The following CCDC18 variants were observed in gnomAD, a reference collection of about 807,000 sequenced individuals.
The protein encoded by CCDC18 is coiled-coil domain containing 18.
In CCDC18, 157 loss-of-function variants were observed where a neutral mutation model predicts 196.0. The observed-to-expected ratio is 0.80, with a 90% CI of 0.70 to 0.91. The LOEUF is 0.91. CCDC18 is among the 40% of genes least tolerant of loss of function. The pLI is 0.00. For missense variants in CCDC18, 1,465 were observed against 1,611.6 expected (o/e 0.91, Z 1.56); for synonymous variants, 482 against 529.2 (o/e 0.91, Z 1.22).
chr1:93,257,885 T>G (rs1362706737), intron 25 of CCDC18, among the ~76,000 whole-genome samples: 7 of 151,920 alleles, frequency 4.6e-5, no homozygotes, highest in Non-Finnish European at 1.5e-5. Context: ...TGTTTTTCCT[T>G]TGATGTAGGG....
chr1:93,278,031 G>T (rs944899803), intron 28 of CCDC18, among the ~76,000 whole-genome samples: 3 of 151,792 alleles, frequency 2.0e-5, no homozygotes, highest in Non-Finnish European at 4.4e-5. Context: ...TTGTCTCCCA[G>T]GCTGGAGTGC....
intron 28 of CCDC18, among the ~76,000 whole-genome samples, chr1:93,278,074 C>T (rs112122064): frequency 6.6e-6 from 1 of 152,092 alleles, no homozygotes; most frequent in African/African-American, 2.4e-5. Flanking sequence ...GCAACCTCCC[C>T]CTCCAAGGTT....
At chr1:93,181,277 T>A (rs1486492237) in intron 1 of CCDC18, among the ~76,000 whole-genome samples, 1 of 125,464 alleles carries the variant, frequency 8.0e-6, no homozygotes, top group African/African-American at 3.1e-5. Flanking sequence ...GACTACTACA[T>A]AAAGTTATGA....
chr1:93,271,489 C>A, intron 28 of CCDC18: 1 of 985,306 alleles, frequency 1.0e-6, no homozygotes, highest in Non-Finnish European at 1.2e-6. Flanking sequence ...TAATCTGTAT[C>A]TTCAGGCTTC....
chr1:93,246,731 G>A, intron 22 of CCDC18, 107 bp from the exon 23 acceptor site: 5 of 603,286 alleles, frequency 8.3e-6, no homozygotes, highest in African/African-American at 1.9e-5. Context: ...CTATACTAAT[G>A]AGTTTATACT....
chr1:93,199,916 G>A (rs1653526722), intron 6 of CCDC18: 1 of 152,556 alleles, frequency 6.6e-6, no homozygotes. Context: ...TCTAGGTGCT[G>A]TTGTTGAGCA....
intron 16 of CCDC18, among the ~76,000 whole-genome samples, chr1:93,223,105 G>A (rs1657707150): frequency 6.6e-6 from 1 of 152,126 alleles, no homozygotes; most frequent in Non-Finnish European, 1.5e-5. Flanking sequence ...TACAGAGATT[G>A]TAGGCATGAA....
chr1:93,278,285 G>T (rs10874766), intron 28 of CCDC18, among the ~76,000 whole-genome samples, 178 bp from the exon 29 acceptor site: 2 of 151,970 alleles, frequency 1.3e-5, no homozygotes, highest in African/African-American at 2.4e-5. Context: ...CACTGCACCC[G>T]GCCTGCATTT....
chr1:93,259,016 A>C (rs1663420156), intron 26 of CCDC18, 131 bp downstream of exon 26: 1 of 716,186 alleles, frequency 1.4e-6, no homozygotes, highest in Non-Finnish European at 2.1e-6. Flanking sequence ...CTGGTAGCCT[A>C]AACATACAGC....
intron 17 of CCDC18, among the ~76,000 whole-genome samples, chr1:93,228,455 G>A (rs1658736185): frequency 1.3e-5 from 2 of 150,670 alleles, no homozygotes; most frequent in Non-Finnish European, 2.9e-5. Context: ...TAATGTAGTT[G>A]ACCAGCACTC....
intron 25 of CCDC18, among the ~76,000 whole-genome samples, chr1:93,257,260 CATG>C (rs1298636706): frequency 2.6e-5 from 2 of 78,162 alleles, no homozygotes; most frequent in Non-Finnish European, 5.4e-5. Flanking sequence ...AAAAAAAAAA[CATG>C]AAAACTATCC....
At chr1:93,272,490 TAGAAG>T (rs1415085624) in intron 28 of CCDC18, among the ~76,000 whole-genome samples, 2 of 152,088 alleles carry the variant, frequency 1.3e-5, no homozygotes, top group Non-Finnish European at 2.9e-5. Context: ...ATCAGTGAAA[TAGAAG>T]AGAAATTAGG....
At chr1:93,214,045 T>G (rs989777456) in intron 11 of CCDC18, among the ~76,000 whole-genome samples, 7 of 152,128 alleles carry the variant, frequency 4.6e-5, no homozygotes, top group African/African-American at 7.2e-5. Flanking sequence ...GTGGGAGATG[T>G]GTATGTTTAT....
chr1:93,193,826 G>A (rs1652257883), intron 6 of CCDC18, 82 bp downstream of exon 6: 1 of 1,116,392 alleles, frequency 9.0e-7, no homozygotes, highest in East Asian at 3.0e-5. Flanking sequence ...GTTAATTTTT[G>A]AAGTGAAAAA....
intron 6 of CCDC18, among the ~76,000 whole-genome samples, chr1:93,196,292 C>T (rs1462748366): frequency 1.3e-5 from 2 of 151,964 alleles, no homozygotes; most frequent in Non-Finnish European, 2.9e-5. Context: ...CCATTGCACT[C>T]CAGCCTGAGT....
chr1:93,215,366 T>G (rs916494213), intron 12 of CCDC18, among the ~76,000 whole-genome samples: 17 of 152,206 alleles, frequency 1.1e-4, no homozygotes, highest in African/African-American at 4.1e-4. Flanking sequence ...CTAGGAAGCC[T>G]GTTTAATATG....
intron 21 of CCDC18, among the ~76,000 whole-genome samples, chr1:93,242,816 AGT>A (rs1660999609): frequency 6.6e-6 from 1 of 152,356 alleles, no homozygotes; most frequent in South Asian, 2.1e-4. Context: ...TCAGCAGGGC[AGT>A]TAAATCTTAA....
At chr1:93,214,472 G>T (rs1656167085) in intron 11 of CCDC18, among the ~76,000 whole-genome samples, 1 of 152,188 alleles carries the variant, frequency 6.6e-6, no homozygotes, top group Non-Finnish European at 1.5e-5. Context: ...AAAAGGTGGA[G>T]AAGGATTCTT....
At chr1:93,202,706 T>C (rs1654037844) in intron 7 of CCDC18, among the ~76,000 whole-genome samples, 1 of 152,208 alleles carries the variant, frequency 6.6e-6, no homozygotes, top group Non-Finnish European at 1.5e-5. Context: ...TATTAAACAA[T>C]CATGAAATTC....
Sources: gnomAD v4.1 joint callset for allele counts (sites outside exome capture counted in the v4.1 genomes callset) on GRCh38, gnomAD v4.1.1 for gene constraint, MANE v1.5 for transcripts, NCBI Gene and HGNC (gene_info 2026-07-23, HGNC 2026-07-21) for gene names.